CFDP1: variants seen among roughly 807,000 people sequenced by gnomAD.
CFDP1 encodes the protein heterochromatin-stabilizing protein CFDP1.
A neutral mutation model predicts 40.1 loss-of-function variants in CFDP1; 31 were observed. That is an observed-to-expected ratio of 0.77 (90% CI 0.58 to 1.04). The LOEUF is 1.04. CFDP1 is among the 50% of genes least tolerant of loss of function. CFDP1 has a pLI of 0.00. For missense variants in CFDP1, 423 were observed against 343.4 expected, an observed-to-expected ratio of 1.23 and a Z score of -1.83; for synonymous variants, 167 against 120.0, an observed-to-expected ratio of 1.39 and a Z score of -2.56.
intron 6 of CFDP1, among the ~76,000 whole-genome samples, chr16:75,303,749 G>A (rs1164174094): frequency 5.9e-5 from 9 of 152,204 alleles, no homozygotes; most frequent in Admixed American, 6.5e-5. Flanking sequence ...TTACATATAC[G>A]TAAGCAATAC....
chr16:75,378,412 T>A (rs1281921249), intron 5 of CFDP1, among the ~76,000 whole-genome samples: 1 of 152,064 alleles, frequency 6.6e-6, no homozygotes, highest in Non-Finnish European at 1.5e-5. Context: ...AAAACCACCC[T>A]GCTTTTAAGA....
chr16:75,309,965 T>C (rs1002132113), intron 5 of CFDP1, among the ~76,000 whole-genome samples: 3 of 152,186 alleles, frequency 2.0e-5, no homozygotes, highest in Non-Finnish European at 4.4e-5. Flanking sequence ...CAGTACTTCA[T>C]TGAGTCAAGA....
chr16:75,395,583 C>T (rs1567670648), intron 4 of CFDP1, among the ~76,000 whole-genome samples: 4 of 152,018 alleles, frequency 2.6e-5, no homozygotes, highest in East Asian at 3.9e-4. Context: ...CACTTGAACC[C>T]GGGAGGCAGA....
intron 6 of CFDP1, among the ~76,000 whole-genome samples, chr16:75,294,886 G>C (rs949598581): frequency 6.6e-5 from 10 of 152,198 alleles, no homozygotes; most frequent in African/African-American, 2.4e-4. Flanking sequence ...AAGGGCTGAA[G>C]CACAGGCGCG....
intron 5 of CFDP1, among the ~76,000 whole-genome samples, chr16:75,345,854 C>G (rs983139852): frequency 7.9e-5 from 12 of 152,170 alleles, no homozygotes; most frequent in African/African-American, 2.9e-4. Context: ...AGGCACATGA[C>G]AGTGGGTCCT....
At chr16:75,415,723 A>C (rs1401382090) in intron 1 of CFDP1, among the ~76,000 whole-genome samples, 2 of 152,236 alleles carry the variant, frequency 1.3e-5, no homozygotes, top group African/African-American at 4.8e-5. Flanking sequence ...ACTCCTGAAC[A>C]GTAAATAGTG....
At chr16:75,314,242 T>C (rs1406135579) in intron 5 of CFDP1, among the ~76,000 whole-genome samples, 2 of 152,116 alleles carry the variant, frequency 1.3e-5, no homozygotes, top group African/African-American at 4.8e-5. Context: ...AATAACTACC[T>C]TCAATGGCAG....
At chr16:75,316,344 G>T (rs755594882) in intron 5 of CFDP1, among the ~76,000 whole-genome samples, 10 of 152,118 alleles carry the variant, frequency 6.6e-5, no homozygotes, top group Non-Finnish European at 1.0e-4. Context: ...TATTTCTTAT[G>T]CCTCACTCTA....
chr16:75,324,056 C>A (rs1157190057), intron 5 of CFDP1, among the ~76,000 whole-genome samples: 1 of 152,196 alleles, frequency 6.6e-6, no homozygotes, highest in Non-Finnish European at 1.5e-5. Context: ...TGAGTGCCTT[C>A]AGTGTGCCAG....
At chr16:75,388,546 C>A (rs1022418340) in intron 5 of CFDP1, among the ~76,000 whole-genome samples, 1 of 152,136 alleles carries the variant, frequency 6.6e-6, no homozygotes, top group Non-Finnish European at 1.5e-5. Flanking sequence ...TCTGTGCCAC[C>A]CCAGTGTTAC....
intron 5 of CFDP1, among the ~76,000 whole-genome samples, chr16:75,374,583 G>A (rs1192626026): frequency 1.3e-5 from 2 of 151,912 alleles, no homozygotes. Context: ...TTGGGAGGCT[G>A]AGAAGGGAGG....
At chr16:75,382,448 G>A (rs1209191107) in intron 5 of CFDP1, among the ~76,000 whole-genome samples, 1 of 152,258 alleles carries the variant, frequency 6.6e-6, no homozygotes, top group East Asian at 1.9e-4. Flanking sequence ...ATTCTGCCTG[G>A]CTTAGGCTTG....
intron 5 of CFDP1, among the ~76,000 whole-genome samples, chr16:75,307,168 G>T (rs79140951): frequency 0.022 from 3,361 of 152,044 alleles, 71 homozygotes; most frequent in African/African-American, 0.054. Context: ...ACAAAGCTTA[G>T]CATGTCTTTC....
At chr16:75,379,173 G>A (rs2078830891) in intron 5 of CFDP1, among the ~76,000 whole-genome samples, 2 of 150,494 alleles carry the variant, frequency 1.3e-5, no homozygotes, top group African/African-American at 2.5e-5. Context: ...CCAACTTCAA[G>A]AATCTAGTAA....
intron 5 of CFDP1, among the ~76,000 whole-genome samples, chr16:75,328,872 G>C (rs1350070314): frequency 6.8e-6 from 1 of 146,738 alleles, no homozygotes; most frequent in Non-Finnish European, 1.5e-5. Flanking sequence ...TTGAGATGGA[G>C]TTTTGCTCTT....
rs114185936 is a variant in CFDP1 at position 75,348,280 on chromosome 16, A to G, written c.651-43098T>C. 5.3e-3 allele frequency among the ~76,000 whole-genome samples: 807 copies of G among 152,274 alleles called. 8 individuals are homozygous for G. The highest frequency in any genetic ancestry group is 0.019 in the African/African-American group (783 of 41,532). On this transcript the variant is annotated intron_variant, in intron 5 of 6. Transcript: ENST00000283882. The stretch of plus-strand genomic sequence containing the variant: ...AAAATAGTTGGGACTGCAGGTGTGA[A>G]CCATGCTTGGCTCCCAATGTTAATT...
intron 5 of CFDP1, 193 bp downstream of exon 5, chr16:75,394,897 G>T: frequency 1.6e-6 from 1 of 620,130 alleles, no homozygotes; most frequent in South Asian, 2.1e-5. Context: ...CTGGGTTCAA[G>T]CAATCCTCCT....
At chr16:75,307,814 C>A (rs956341904) in intron 5 of CFDP1, among the ~76,000 whole-genome samples, 2 of 152,194 alleles carry the variant, frequency 1.3e-5, no homozygotes, top group African/African-American at 2.4e-5. Flanking sequence ...CCTGCCTTGG[C>A]CTCCCGAAGT....
intron 1 of CFDP1, chr16:75,419,081 T>TAC (rs755119952): frequency 2.9e-5 from 12 of 419,374 alleles, no homozygotes; most frequent in South Asian, 2.0e-4. Context: ...AATTGAAGGC[T>TAC]ACAGTAAGCA....
Sources: gnomAD v4.1 joint callset for allele counts (sites outside exome capture counted in the v4.1 genomes callset) on GRCh38, gnomAD v4.1.1 for gene constraint, MANE v1.5 for transcripts, NCBI Gene and HGNC (gene_info 2026-07-23, HGNC 2026-07-21) for gene names.